Variants in SEMA6D observed in about 807,000 individuals in gnomAD.
SEMA6D encodes the protein semaphorin-6D.
SEMA6D carries 35 observed loss-of-function variants against 106.6 expected under a neutral mutation model. The ratio of observed to expected loss-of-function variants is 0.33; its 90% CI spans 0.25 to 0.44. The LOEUF (loss-of-function observed/expected upper bound fraction) is 0.44, where lower values mean the gene tolerates loss of function less well. Among genes scored for constraint, SEMA6D ranks in the 20% least tolerant of loss-of-function variants. The pLI is 1.00. For synonymous variants in SEMA6D, 499 were observed against 487.7 expected (o/e 1.02, Z -0.31); for missense variants, 1,185 against 1,345.9 (o/e 0.88, Z 1.87).
chr15:47,599,806 A>T (rs1036638669), intron 3 of SEMA6D, among the ~76,000 whole-genome samples: 3 of 152,134 alleles, frequency 2.0e-5, no homozygotes, highest in Admixed American at 1.3e-4. Context: ...AGGTGAACTA[A>T]TCAATCAATT....
intron 2 of SEMA6D, among the ~76,000 whole-genome samples, chr15:47,433,151 A>G (rs111302718): frequency 0.01 from 1,535 of 152,096 alleles, 28 homozygotes; most frequent in African/African-American, 0.036. Flanking sequence ...GATAAATGCT[A>G]TTGGTTCTTT....
chr15:47,360,726 C>T (rs576151184), intron 1 of SEMA6D, among the ~76,000 whole-genome samples: 3 of 152,268 alleles, frequency 2.0e-5, no homozygotes, highest in African/African-American at 7.2e-5. Context: ...CATTTTTATC[C>T]AACTACCTCC....
intron 1 of SEMA6D, among the ~76,000 whole-genome samples, chr15:47,295,169 A>G (rs72731775): frequency 1.7e-3 from 253 of 152,344 alleles, no homozygotes; most frequent in Non-Finnish European, 2.9e-3. Flanking sequence ...CTGTAAAACA[A>G]AGGTAAATAC....
intron 3 of SEMA6D, among the ~76,000 whole-genome samples, chr15:47,518,702 T>C (rs1160703392): frequency 6.6e-6 from 1 of 152,228 alleles, no homozygotes; most frequent in African/African-American, 2.4e-5. Context: ...GTAGCTGGAC[T>C]GAACATTGCT....
intron 1 of SEMA6D, among the ~76,000 whole-genome samples, chr15:47,202,712 A>G (rs1894802850): frequency 1.3e-5 from 2 of 151,958 alleles, no homozygotes; most frequent in Admixed American, 6.6e-5. Flanking sequence ...TAGTAAACTC[A>G]CTCCTGCTCT....
intron 4 of SEMA6D, among the ~76,000 whole-genome samples, chr15:47,686,208 G>A (rs1455672887): frequency 1.3e-5 from 2 of 152,028 alleles, no homozygotes; most frequent in African/African-American, 4.8e-5. Flanking sequence ...AGAATCATTT[G>A]CAATGGTTCA....
At chr15:47,615,598 T>C (rs1431219390) in intron 4 of SEMA6D, among the ~76,000 whole-genome samples, 1 of 152,238 alleles carries the variant, frequency 6.6e-6, no homozygotes, top group African/African-American at 2.4e-5. Context: ...AAAAAAATCC[T>C]TATCAAAGAA....
intron 3 of SEMA6D, among the ~76,000 whole-genome samples, chr15:47,568,222 A>G (rs1393524040): frequency 2.0e-5 from 3 of 151,638 alleles, no homozygotes; most frequent in Non-Finnish European, 4.4e-5. Context: ...AAAAACCGCA[A>G]TTACTTTTGC....
intron 4 of SEMA6D, among the ~76,000 whole-genome samples, chr15:47,672,041 A>G (rs2078147500): frequency 6.6e-6 from 1 of 152,222 alleles, no homozygotes; most frequent in Non-Finnish European, 1.5e-5. Flanking sequence ...CTATGAACTC[A>G]TGGAAGACTG....
In SEMA6D at chr15:47,207,990, C is replaced by T. The variant is rs981803173; in HGVS notation, c.-239+23572C>T. Among the ~76,000 whole-genome samples the T allele has an allele frequency of 3.9e-4, 29 of 74,264 alleles. 2 individuals are homozygous for T. The highest frequency in any genetic ancestry group is 7.0e-4 in the Non-Finnish European group (26 of 37,346). 48.7% of individuals were successfully genotyped at this position (74,264 alleles called of 152,430 possible). ...AACAGGTACAGTAGCCACTGGCGCGCGCGCACACACACACACACACACACA... is the reference window on the plus strand; with the variant it reads ...AACAGGTACAGTAGCCACTGGCGCGTGCGCACACACACACACACACACACA... On this transcript the variant is annotated intron_variant, in intron 1 of 19. Coordinates refer to the SEMA6D transcript ENST00000558014.
intron 1 of SEMA6D, among the ~76,000 whole-genome samples, chr15:47,262,609 T>G (rs2142103720): frequency 6.6e-6 from 1 of 152,210 alleles, no homozygotes; most frequent in South Asian, 2.1e-4. Flanking sequence ...TGGGGATTAC[T>G]ACAACTTAAG....
Position 47,717,509 on chromosome 15 carries a change from C to CGCT in SEMA6D, c.-220_-218dup, listed in dbSNP as rs566206996. ...GGTTTGTTTTGCTCCTGCTCTGTCC[C>CGCT]GCTGCTGCTGCTGCTGCTGCAAGGG... On this transcript the variant is annotated 5_prime_UTR_variant, in exon 1 of 19. Transcript: ENST00000536845. 322 of 154,800 alleles carry CGCT rather than the reference C, an allele frequency of 2.1e-3. 1 individual carries two copies. The highest frequency in any genetic ancestry group is 3.7e-3 in the South Asian group (18 of 4,874). 9.6% of individuals were successfully genotyped at this position (154,800 alleles called of 1,614,324 possible). A position where few individuals can be genotyped will look rare whatever the true frequency, so the allele number is the denominator to read the frequency against.
chr15:47,318,631 T>C (rs1413815357), intron 1 of SEMA6D, among the ~76,000 whole-genome samples: 185 of 140,006 alleles, frequency 1.3e-3, no homozygotes, highest in African/African-American at 4.7e-3. Flanking sequence ...TATTCCATGG[T>C]GTATATGTGC....
chr15:47,192,545 T>TG (rs1430114305), intron 1 of SEMA6D, among the ~76,000 whole-genome samples: 2 of 152,116 alleles, frequency 1.3e-5, no homozygotes, highest in Non-Finnish European at 2.9e-5. Flanking sequence ...TGCCCAAAGA[T>TG]GGGAAAAAAG....
chr15:47,546,135 G>C (rs1274045277), intron 3 of SEMA6D, among the ~76,000 whole-genome samples: 2 of 152,064 alleles, frequency 1.3e-5, no homozygotes, highest in Non-Finnish European at 2.9e-5. Flanking sequence ...GTTATTTGCT[G>C]GCATAGAAAG....
At chr15:47,759,017 A>G (rs965449352) in intron 1 of SEMA6D, among the ~76,000 whole-genome samples, 4 of 152,174 alleles carry the variant, frequency 2.6e-5, no homozygotes, top group African/African-American at 9.6e-5. Context: ...TTTGTGTCCA[A>G]ATGGTTTTAT....
intron 4 of SEMA6D, among the ~76,000 whole-genome samples, chr15:47,659,743 C>A (rs1402538923): frequency 1.3e-5 from 2 of 152,000 alleles, no homozygotes; most frequent in Non-Finnish European, 2.9e-5. Flanking sequence ...GGACTAAGGT[C>A]ATGAATACAC....
At chr15:47,479,009 C>T (rs762940476) in intron 3 of SEMA6D, among the ~76,000 whole-genome samples, 8 of 152,006 alleles carry the variant, frequency 5.3e-5, no homozygotes, top group Non-Finnish European at 8.8e-5. Context: ...CCCCATGATT[C>T]AATTGCCTCC....
chr15:47,622,969 T>C (rs1483060145), intron 4 of SEMA6D, among the ~76,000 whole-genome samples: 3 of 151,238 alleles, frequency 2.0e-5, no homozygotes, highest in East Asian at 2.0e-4. Context: ...ATGGAATCAG[T>C]AGGAAGGATC....
Sources: allele counts gnomAD v4.1 joint callset (sites outside exome capture counted in the v4.1 genomes callset), GRCh38; gene constraint gnomAD v4.1.1; transcripts MANE v1.5; gene names NCBI Gene and HGNC (gene_info 2026-07-23, HGNC 2026-07-21).